TRIM2: variants seen among roughly 807,000 people sequenced by gnomAD.
The protein encoded by TRIM2 is tripartite motif containing 2.
Under a neutral mutation model 75.2 loss-of-function variants are expected in TRIM2, and 20 were observed. The ratio of observed to expected loss-of-function variants is 0.27; its 90% confidence interval spans 0.19 to 0.39. The LOEUF (loss-of-function observed/expected upper bound fraction) is 0.39. Among genes scored for constraint, TRIM2 ranks in the 10% least tolerant of loss-of-function variants. The probability of loss-of-function intolerance (pLI) is 1.00; values close to 1 mark genes in which losing one functional copy is unlikely to be tolerated. For missense variants in TRIM2, 660 were observed against 990.8 expected (o/e 0.67, Z 4.48); for synonymous variants, 373 against 388.3 (o/e 0.96, Z 0.46).
chr4:153,203,452 T>C (rs569644372), upstream of TRIM2, among the ~76,000 whole-genome samples: 50 of 149,436 alleles, frequency 3.3e-4, no homozygotes, highest in South Asian at 8.5e-4. Context: ...CATAAACACA[T>C]CAAATGTGAG....
Position 153,315,390 on chromosome 4 carries a change from T to C in TRIM2, c.1511-95T>C. The stretch of plus-strand genomic sequence containing the variant: ...AAGTATATTTAAAAACAATGCATTC[T>C]CAGGTACCTGTGGAAATCTGAATTA... On this transcript the variant is annotated intron_variant, in intron 6 of 11. Transcript: ENST00000338700. 3 of 1,003,534 alleles carry C rather than the reference T, an allele frequency of 3.0e-6. No homozygotes were observed. The South Asian group carries it at 5.4e-5, about 18-fold the overall frequency. The allele number at this position is 1,003,534 out of a possible 1,614,324, so 62.2% of individuals were successfully genotyped here.
At chr4:153,214,093 C>G (rs2149721978) in intron 1 of TRIM2, among the ~76,000 whole-genome samples, 1 of 152,150 alleles carries the variant, frequency 6.6e-6, no homozygotes, top group Non-Finnish European at 1.5e-5. Flanking sequence ...CTGATTGTAC[C>G]TCAAGAAGAA....
intron 1 of TRIM2, among the ~76,000 whole-genome samples, chr4:153,215,495 C>G (rs1449575647): frequency 6.6e-6 from 1 of 150,970 alleles, no homozygotes; most frequent in Non-Finnish European, 1.5e-5. Context: ...TATCATATTT[C>G]TATAAAAAAA....
chr4:153,320,636 G>T (rs1272720808), intron 8 of TRIM2, among the ~76,000 whole-genome samples: 1 of 151,896 alleles, frequency 6.6e-6, no homozygotes, highest in Non-Finnish European at 1.5e-5. Context: ...AGTTTTTGTT[G>T]TTGTTGTTGT....
chr4:153,299,667 G>T (rs1247709996), intron 6 of TRIM2, among the ~76,000 whole-genome samples: 3 of 151,934 alleles, frequency 2.0e-5, no homozygotes, highest in African/African-American at 7.3e-5. Flanking sequence ...GTTTTAATCG[G>T]TAGTTCACAT....
chr4:153,200,458 A>C (rs1466163326), upstream of TRIM2, among the ~76,000 whole-genome samples: 2 of 151,990 alleles, frequency 1.3e-5, no homozygotes. Context: ...GGCTGTTTCC[A>C]TCCTTTAGCT....
chr4:153,274,336 A>C (rs1373372062), intron 2 of TRIM2, among the ~76,000 whole-genome samples: 1 of 152,226 alleles, frequency 6.6e-6, no homozygotes, highest in Non-Finnish European at 1.5e-5. Flanking sequence ...TGGATATGGA[A>C]AATGAAGGAC....
At chr4:153,259,272 T>G (rs2149972423) in intron 1 of TRIM2, among the ~76,000 whole-genome samples, 1 of 152,320 alleles carries the variant, frequency 6.6e-6, no homozygotes, top group South Asian at 2.1e-4. Flanking sequence ...GCTTCATGGA[T>G]TTTGTTGCTT....
intron 1 of TRIM2, among the ~76,000 whole-genome samples, chr4:153,212,190 T>C (rs1459789109): frequency 1.3e-5 from 2 of 152,156 alleles, no homozygotes; most frequent in Non-Finnish European, 2.9e-5. Context: ...ATATACACCA[T>C]GGAATACTAC....
intron 1 of TRIM2, among the ~76,000 whole-genome samples, chr4:153,209,938 C>G (rs765591180): frequency 6.6e-6 from 1 of 152,044 alleles, no homozygotes; most frequent in Non-Finnish European, 1.5e-5. Flanking sequence ...TTCAACTGAA[C>G]TTTAAAGCTG....
At chr4:153,158,756 A>G (rs1226113894) in intron 1 of TRIM2, among the ~76,000 whole-genome samples, 1 of 152,224 alleles carries the variant, frequency 6.6e-6, no homozygotes, top group Non-Finnish European at 1.5e-5. Flanking sequence ...GGACACAATC[A>G]GGTTATGAGT....
intron 1 of TRIM2, among the ~76,000 whole-genome samples, chr4:153,182,770 G>A (rs796744123): frequency 2.0e-5 from 3 of 152,266 alleles, no homozygotes; most frequent in Non-Finnish European, 2.9e-5. Context: ...TCCCAGCCCC[G>A]TCATTCCCCT....
At chr4:153,288,753 TTAGG>T (rs953424042) in intron 3 of TRIM2, among the ~76,000 whole-genome samples, 6 of 151,896 alleles carry the variant, frequency 4.0e-5, no homozygotes, top group African/African-American at 1.4e-4. Flanking sequence ...CACGGGCCTC[TTAGG>T]TTTTGTTACT....
At chr4:153,290,188 G>A (rs1189969575) in intron 3 of TRIM2, among the ~76,000 whole-genome samples, 1 of 152,198 alleles carries the variant, frequency 6.6e-6, no homozygotes, top group Non-Finnish European at 1.5e-5. Context: ...TCAGAATTTA[G>A]TGGGGAATGC....
chr4:153,182,774 T>C (rs992275845), intron 1 of TRIM2, among the ~76,000 whole-genome samples: 9 of 152,230 alleles, frequency 5.9e-5, no homozygotes, highest in African/African-American at 1.9e-4. Context: ...AGCCCCGTCA[T>C]TCCCCTTTTT....
chr4:153,244,415 TTCTTCTTCTTC>T lies in TRIM2; in HGVS notation c.31-25918_31-25908del, dbSNP rs1560875483. 1.1e-3 allele frequency among the ~76,000 whole-genome samples: 105 copies of T among 98,394 alleles called. 5 individuals are homozygous for T. The highest frequency in any genetic ancestry group is 1.8e-3 in the Non-Finnish European group (89 of 50,242). 64.6% of individuals were successfully genotyped at this position (98,394 alleles called of 152,430 possible). Reference sequence around the variant, plus strand: ...CTTCTTCTTCTTCTTCTTCTTCTTCTTCTTCTTCTTCTTCTTCTTCTTTTAATTAGAGAGGA... The same window carrying T: ...CTTCTTCTTCTTCTTCTTCTTCTTCTTTCTTCTTCTTTTAATTAGAGAGGA... On this transcript the variant is annotated intron_variant, in intron 1 of 11. Coordinates refer to ENST00000338700, the MANE Select transcript of TRIM2 (RefSeq NM_015271.5).
intron 6 of TRIM2, among the ~76,000 whole-genome samples, chr4:153,299,289 A>G (rs1763382296): frequency 6.6e-6 from 1 of 152,082 alleles, no homozygotes; most frequent in Non-Finnish European, 1.5e-5. Context: ...GTTCACCCAT[A>G]TTGTCACAAA....
At chr4:153,245,451 G>C (rs1463986069) in intron 1 of TRIM2, among the ~76,000 whole-genome samples, 2 of 152,244 alleles carry the variant, frequency 1.3e-5, no homozygotes, top group African/African-American at 4.8e-5. Context: ...GCTTGAGCAG[G>C]GGCGGGCAAA....
At chr4:153,187,852 T>C (rs1732767474) in intron 1 of TRIM2, among the ~76,000 whole-genome samples, 2 of 152,208 alleles carry the variant, frequency 1.3e-5, no homozygotes, top group South Asian at 4.1e-4. Flanking sequence ...ACACAAGCTT[T>C]CCTGGAGACA....
Sources: allele counts gnomAD v4.1 joint callset (sites outside exome capture counted in the v4.1 genomes callset), GRCh38; gene constraint gnomAD v4.1.1; transcripts MANE v1.5; gene names NCBI Gene and HGNC (gene_info 2026-07-23, HGNC 2026-07-21).